ADPGK: variants seen among roughly 807,000 people sequenced by gnomAD.
ADPGK encodes the protein ADP-dependent glucokinase.
Under a neutral mutation model 42.4 loss-of-function variants are expected in ADPGK, and 26 were observed. That is an observed-to-expected ratio of 0.61 (90% CI 0.45 to 0.85). The LOEUF is 0.85. ADPGK is among the 40% of genes least tolerant of loss of function. The pLI is 0.00. For synonymous variants in ADPGK, 267 were observed against 252.6 expected (o/e 1.06, Z -0.54); for missense variants, 571 against 627.0 (o/e 0.91, Z 0.95).
intron 6 of ADPGK, among the ~76,000 whole-genome samples, chr15:72,754,121 ACAGT>A (rs1414868612): frequency 1.3e-5 from 2 of 151,738 alleles, no homozygotes; most frequent in African/African-American, 2.4e-5. Context: ...AAAACCAACG[ACAGT>A]CAGCCCTCCA....
At chr15:72,758,462 C>T in intron 4 of ADPGK, 1 of 384,188 alleles carries the variant, frequency 2.6e-6, no homozygotes, top group Non-Finnish European at 4.9e-6. Context: ...TTGGAATTTC[C>T]CTATTGAGGT....
chr15:72,761,941 G>A (rs559813219), intron 3 of ADPGK, among the ~76,000 whole-genome samples: 26 of 151,782 alleles, frequency 1.7e-4, no homozygotes, highest in African/African-American at 6.3e-4. Context: ...GCACAATCTC[G>A]GCTCACTGCA....
Position 72,751,377 on chromosome 15 carries a change from G to A in ADPGK, c.*964C>T, listed in dbSNP as rs1308557106. 6.6e-6 allele frequency: 1 copy of A among 152,608 alleles called. No individual in the cohort carries two copies. The allele number at this position is 152,608 out of a possible 1,614,324, so 9.5% of individuals were successfully genotyped here. A position where few individuals can be genotyped will look rare whatever the true frequency, so the allele number is the denominator to read the frequency against. On this transcript the variant is annotated 3_prime_UTR_variant, in exon 7 of 7. Transcript: ENST00000456471. ...CAATTACAGACAGAATTCCTGAAAT[G>A]TAAATTGTTTTTAATATATTTAAGA...
At chr15:72,774,092 C>T (rs1298784631) in intron 2 of ADPGK, among the ~76,000 whole-genome samples, 1 of 152,224 alleles carries the variant, frequency 6.6e-6, no homozygotes, top group Non-Finnish European at 1.5e-5. Context: ...ATCCACCTGC[C>T]TCAGCCTCCC....
At chr15:72,770,539 T>G (rs937432517) in intron 3 of ADPGK, among the ~76,000 whole-genome samples, 4 of 152,350 alleles carry the variant, frequency 2.6e-5, no homozygotes, top group Admixed American at 2.0e-4. Context: ...AAAGGGCTTA[T>G]GATCAATCTC....
intron 4 of ADPGK, chr15:72,757,785 A>G (rs1337435289): frequency 3.5e-6 from 1 of 283,994 alleles, no homozygotes; most frequent in Admixed American, 4.8e-5. Flanking sequence ...TTCTCCAGAG[A>G]GCAAGACGTG....
At chr15:72,770,644 T>A (rs1350377266) in intron 3 of ADPGK, among the ~76,000 whole-genome samples, 1 of 152,212 alleles carries the variant, frequency 6.6e-6, no homozygotes, top group East Asian at 1.9e-4. Context: ...TTTATAAACA[T>A]AATGACTGCA....
At position 72,755,555 on chromosome 15, in the gene ADPGK, C is replaced by A; in HGVS notation, c.939+1G>T. On this transcript the variant is annotated splice_donor_variant, in intron 6 of 6. Coordinates refer to ENST00000456471, the MANE Select transcript of ADPGK (RefSeq NM_001365225.1). LOFTEE classifies it high-confidence loss of function. ...GCCAAACGATGGTCCCATGAGGTTACCTGATGGACAATGCTGCTCATGAGC... is the reference window on the plus strand; with the variant it reads ...GCCAAACGATGGTCCCATGAGGTTAACTGATGGACAATGCTGCTCATGAGC... The A allele has an allele frequency of 1.2e-6, 2 of 1,611,790 alleles. No homozygotes were observed. Among genetic ancestry groups the A allele is most frequent in the Non-Finnish European group, 1.7e-6 (2 of 1,178,152 alleles).
chr15:72,760,270 G>T, intron 4 of ADPGK, 137 bp downstream of exon 4: 3 of 1,160,172 alleles, frequency 2.6e-6, no homozygotes, highest in Non-Finnish European at 3.5e-6. Flanking sequence ...AGAACCAATA[G>T]GTCAGGAAAC....
intron 4 of ADPGK, chr15:72,757,769 T>C (rs75280899): frequency 0.037 from 8,797 of 237,850 alleles, 729 homozygotes; most frequent in African/African-American, 0.17. Context: ...ATACATTACA[T>C]TGACATTCTC....
intron 3 of ADPGK, among the ~76,000 whole-genome samples, chr15:72,770,527 C>G (rs1429327663): frequency 6.6e-6 from 1 of 152,190 alleles, no homozygotes; most frequent in Admixed American, 6.5e-5. Flanking sequence ...TGGGCTCTCT[C>G]TAAAGGGCTT....
chr15:72,775,992 C>T (rs538184733), intron 1 of ADPGK, among the ~76,000 whole-genome samples: 128 of 152,268 alleles, frequency 8.4e-4, no homozygotes, highest in African/African-American at 2.9e-3. Flanking sequence ...CTGAAGGTAA[C>T]TTTATACAAT....
At chr15:72,773,730 A>T (rs2066355633) in intron 2 of ADPGK, among the ~76,000 whole-genome samples, 1 of 152,242 alleles carries the variant, frequency 6.6e-6, no homozygotes. Context: ...CTCTCATAAG[A>T]GATAAGAATC....
chr15:72,768,511 T>C (rs1229930094), intron 3 of ADPGK, among the ~76,000 whole-genome samples: 1 of 151,796 alleles, frequency 6.6e-6, no homozygotes, highest in Non-Finnish European at 1.5e-5. Context: ...TACTAAAAAA[T>C]ACAAAAATTA....
chr15:72,759,877 T>C (rs540973678), intron 4 of ADPGK, among the ~76,000 whole-genome samples: 2 of 152,210 alleles, frequency 1.3e-5, no homozygotes, highest in Non-Finnish European at 2.9e-5. Context: ...TTATTAACAT[T>C]AGAACATCTG....
intron 3 of ADPGK, among the ~76,000 whole-genome samples, chr15:72,766,060 G>T (rs1262085825): frequency 6.6e-6 from 1 of 152,128 alleles, no homozygotes. Flanking sequence ...ATAGCTCACA[G>T]TACAGTAGCC....
chr15:72,781,768 T>A (rs1244036868), intron 1 of ADPGK, among the ~76,000 whole-genome samples: 1 of 152,228 alleles, frequency 6.6e-6, no homozygotes, highest in East Asian at 1.9e-4. Context: ...GATTGAATTG[T>A]CCACCCCCCA....
chr15:72,779,317 C>T lies in ADPGK; in HGVS notation c.233+4142G>A, dbSNP rs146474668. On this transcript the variant is annotated intron_variant, in intron 1 of 6. Transcript: ENST00000456471. ...AGGCTGGAATGCAACGGCGCGATCT[C>T]GGCTCACCGCAACCTCTGCCTCCTG... Among the ~76,000 whole-genome samples, 866 of 143,104 alleles carry T rather than the reference C, an allele frequency of 6.1e-3. 11 individuals carry two copies. Among genetic ancestry groups the T allele is most frequent in the Admixed American group, 5.9e-3 (79 of 13,456 alleles). 93.9% of individuals were successfully genotyped at this position (143,104 alleles called of 152,430 possible).
intron 1 of ADPGK, among the ~76,000 whole-genome samples, chr15:72,778,396 T>C (rs2066415954): frequency 6.6e-6 from 1 of 152,104 alleles, no homozygotes; most frequent in South Asian, 2.1e-4. Context: ...GTAAAAAGCA[T>C]ATTACCTAAG....
Sources: allele counts gnomAD v4.1 joint callset (sites outside exome capture counted in the v4.1 genomes callset), GRCh38; gene constraint gnomAD v4.1.1; transcripts MANE v1.5; gene names NCBI Gene and HGNC (gene_info 2026-07-23, HGNC 2026-07-21).